Variants in HDGFL3 observed in about 807,000 individuals in gnomAD.
HDGFL3 encodes HDGF like 3.
In HDGFL3, 6 loss-of-function variants were observed where a neutral mutation model predicts 27.6. That is an observed-to-expected ratio of 0.22 (90% confidence interval 0.12 to 0.43). The LOEUF (loss-of-function observed/expected upper bound fraction) is 0.43. Ranked by LOEUF, HDGFL3 falls within the 20% of genes least tolerant of loss-of-function variation. The pLI is 1.00. For synonymous variants in HDGFL3, 88 were observed against 88.9 expected, an observed-to-expected ratio of 0.99 and a Z score of 0.05; for missense variants, 207 against 250.1, an observed-to-expected ratio of 0.83 and a Z score of 1.16.
intron 3 of HDGFL3, chr15:83,115,999 C>T (rs886268573): frequency 1.5e-6 from 2 of 1,311,992 alleles, no homozygotes; most frequent in African/African-American, 1.4e-5. Flanking sequence ...ACCCAGATCA[C>T]ATTACTCAGA....
In HDGFL3 at chr15:83,132,330, A is replaced by T. The variant is rs1455777665; in HGVS notation, c.*6940T>A. 6.6e-6 allele frequency: 1 copy of T among 152,210 alleles called. No homozygotes were observed. The highest frequency in any genetic ancestry group is 1.5e-5 in the Non-Finnish European group (1 of 68,050). The allele number at this position is 152,210 out of a possible 1,614,324, so 9.4% of individuals were successfully genotyped here. ...AAGTGTATTGTATATAATTACCAAG[A>T]AAACAAAGAAACTGGGTGAAAGCTT... On this transcript the variant is annotated 3_prime_UTR_variant, in exon 6 of 6. Coordinates refer to ENST00000299633, the MANE Select transcript of HDGFL3 (RefSeq NM_016073.4).
chr15:83,184,042 A>C (rs1397302210), intron 1 of HDGFL3, among the ~76,000 whole-genome samples: 1 of 152,208 alleles, frequency 6.6e-6, no homozygotes, highest in Non-Finnish European at 1.5e-5. Flanking sequence ...TTAAAGAAAG[A>C]TAATCATGTA....
rs1052908174 is a variant in HDGFL3 at position 83,172,082 on chromosome 15, G to A, written c.85-8007C>T. 6.6e-5 allele frequency among the ~76,000 whole-genome samples: 10 copies of A among 152,136 alleles called. No individual in the cohort carries two copies. The South Asian group carries it at 2.1e-3, about 32-fold the overall frequency. Reference sequence around the variant, plus strand: ...CTCTATGGCTCTGCTATGGCTTGAAGGGCTCCCCTCCAAAATTCAGGTGCT... The same window carrying A: ...CTCTATGGCTCTGCTATGGCTTGAAAGGCTCCCCTCCAAAATTCAGGTGCT... On this transcript the variant is annotated intron_variant, in intron 1 of 5. Coordinates refer to ENST00000299633, the MANE Select transcript of HDGFL3 (RefSeq NM_016073.4).
intron 1 of HDGFL3, among the ~76,000 whole-genome samples, chr15:83,188,267 T>A (rs1196277844): frequency 6.6e-6 from 1 of 152,190 alleles, no homozygotes; most frequent in Non-Finnish European, 1.5e-5. Context: ...TTTATTTAAT[T>A]TTTTGAGACA....
At chr15:83,157,051 A>G (rs1382774339) in intron 4 of HDGFL3, among the ~76,000 whole-genome samples, 3 of 152,196 alleles carry the variant, frequency 2.0e-5, no homozygotes, top group Non-Finnish European at 2.9e-5. Flanking sequence ...ATTTACACAT[A>G]TAGTACATAG....
Position 83,137,921 on chromosome 15 carries a change from T to C in HDGFL3, c.*1349A>G, listed in dbSNP as rs927534759. The C allele has an allele frequency of 3.3e-5, 5 of 151,820 alleles. No individual in the cohort carries two copies. Among genetic ancestry groups the C allele is most frequent in the African/African-American group, 7.3e-5 (3 of 41,326 alleles). 9.4% of individuals were successfully genotyped at this position (151,820 alleles called of 1,614,324 possible). Reference sequence around the variant, plus strand: ...CTAGGGTCCACTGGGCTGGTAAATATGTAAGTGTAAGCAAATCATGTAGTC... The same window carrying C: ...CTAGGGTCCACTGGGCTGGTAAATACGTAAGTGTAAGCAAATCATGTAGTC... On this transcript the variant is annotated 3_prime_UTR_variant, in exon 6 of 6. Coordinates refer to ENST00000299633, the MANE Select transcript of HDGFL3 (RefSeq NM_016073.4).
intron 1 of HDGFL3, among the ~76,000 whole-genome samples, chr15:83,175,488 T>C (rs1404338269): frequency 6.6e-6 from 1 of 152,248 alleles, no homozygotes; most frequent in Non-Finnish European, 1.5e-5. Context: ...AACAGAACTT[T>C]ACTTTTATTG....
At position 83,144,980 on chromosome 15, in the gene HDGFL3, A is replaced by T. The variant is rs575488672; in HGVS notation, c.607-5705T>A. 6 of 156,772 alleles carry T rather than the reference A, an allele frequency of 3.8e-5. No homozygotes were observed. In the South Asian group the frequency reaches 1.1e-3, roughly 29 times the overall value. 9.7% of individuals were successfully genotyped at this position (156,772 alleles called of 1,614,324 possible). On this transcript the variant is annotated intron_variant, in intron 5 of 5. Coordinates refer to ENST00000299633, the MANE Select transcript of HDGFL3 (RefSeq NM_016073.4). Reference sequence around the variant, plus strand: ...ATCCATATGAATCGAAGGAACTCCAAGCATTCTAGATAAGGGCGCCTGCTC... The same window carrying T: ...ATCCATATGAATCGAAGGAACTCCATGCATTCTAGATAAGGGCGCCTGCTC...
At chr15:83,126,872 T>C (rs1412249670), downstream of HDGFL3, 1 of 1,570,752 alleles carries the variant, frequency 6.4e-7, no homozygotes, top group Non-Finnish European at 8.7e-7. Context: ...AAGCCTAAGA[T>C]TTTTCTAAAA....
intron 1 of HDGFL3, among the ~76,000 whole-genome samples, chr15:83,167,024 T>C (rs1171994416): frequency 1.3e-5 from 2 of 152,098 alleles, no homozygotes; most frequent in Non-Finnish European, 2.9e-5. Context: ...TGCATATCAA[T>C]AGCAACATTG....
At chr15:83,187,125 T>C (rs181374977) in intron 1 of HDGFL3, among the ~76,000 whole-genome samples, 1 of 151,544 alleles carries the variant, frequency 6.6e-6, no homozygotes, top group East Asian at 1.9e-4. Flanking sequence ...ATAAATGGGC[T>C]GTATGTCACA....
In HDGFL3 at chr15:83,129,328, A is replaced by G. The variant is rs1294727264; in HGVS notation, c.*9942T>C. 6.6e-6 allele frequency: 1 copy of G among 152,224 alleles called. No individual in the cohort carries two copies. The highest frequency in any genetic ancestry group is 1.5e-5 in the Non-Finnish European group (1 of 68,042). 9.4% of individuals were successfully genotyped at this position (152,224 alleles called of 1,614,324 possible). The stretch of plus-strand genomic sequence containing the variant: ...ATACTCAGAGTAGCTTAACACAATT[A>G]AAATTTTAATTCTTTTTTATGCAAA... On this transcript the variant is annotated 3_prime_UTR_variant, in exon 6 of 6. Transcript: ENST00000299633.
rs2036672930 is a variant in HDGFL3, at chr15:83,137,418, A to G, written c.*1852T>C. ...ATATATACACATAAAACGCTTTTAAAGAAAATTTGTGAGTTGTATATTCCA... is the reference window on the plus strand; with the variant it reads ...ATATATACACATAAAACGCTTTTAAGGAAAATTTGTGAGTTGTATATTCCA... On this transcript the variant is annotated 3_prime_UTR_variant, in exon 6 of 6. Coordinates refer to ENST00000299633, the MANE Select transcript of HDGFL3 (RefSeq NM_016073.4). 6.6e-6 allele frequency: 1 copy of G among 152,226 alleles called. No individual in the cohort carries two copies. Among genetic ancestry groups the G allele is most frequent in the South Asian group, 2.1e-4 (1 of 4,838 alleles). The allele number at this position is 152,226 out of a possible 1,614,324, so 9.4% of individuals were successfully genotyped here.
At chr15:83,124,633 C>A, downstream of HDGFL3, 1 of 1,501,994 alleles carries the variant, frequency 6.7e-7, no homozygotes, top group Non-Finnish European at 9.2e-7. Context: ...TCTTCTTTGG[C>A]ACTTTGGGCC....
chr15:83,122,899 T>G, downstream of HDGFL3: 1 of 1,613,354 alleles, frequency 6.2e-7, no homozygotes. Flanking sequence ...TAAGCTTTGA[T>G]GTACCCTGTT....
downstream of HDGFL3, chr15:83,124,590 T>C: frequency 1.9e-6 from 2 of 1,065,474 alleles, no homozygotes; most frequent in South Asian, 2.8e-5. Context: ...CTCTTATCCA[T>C]CATCATGACA....
At chr15:83,195,000 T>C (rs1441194786) in intron 1 of HDGFL3, among the ~76,000 whole-genome samples, 1 of 152,164 alleles carries the variant, frequency 6.6e-6, no homozygotes, top group African/African-American at 2.4e-5. Context: ...TGTTATCTCT[T>C]TCTAATGGTA....
At chr15:83,123,643 A>G (rs1434805569), downstream of HDGFL3, among the ~76,000 whole-genome samples, 1 of 152,200 alleles carries the variant, frequency 6.6e-6, no homozygotes, top group African/African-American at 2.4e-5. Context: ...AAACATTTAG[A>G]CACCTTCTAT....
intron 1 of HDGFL3, among the ~76,000 whole-genome samples, chr15:83,171,743 G>C (rs1001230064): frequency 2.0e-5 from 3 of 152,128 alleles, no homozygotes; most frequent in African/African-American, 7.2e-5. Context: ...CTCCAAAAGG[G>C]GATGGGAGGG....
Sources: gnomAD v4.1 joint callset for allele counts (sites outside exome capture counted in the v4.1 genomes callset) on GRCh38, gnomAD v4.1.1 for gene constraint, MANE v1.5 for transcripts, NCBI Gene and HGNC (gene_info 2026-07-23, HGNC 2026-07-21) for gene names.